The following TMEM132D variants were observed in gnomAD, a reference collection of about 807,000 sequenced individuals.
TMEM132D encodes the protein mature OL transmembrane protein.
TMEM132D carries 21 observed loss-of-function variants against 62.3 expected under a neutral mutation model. That is an observed-to-expected ratio of 0.34 (90% CI 0.24 to 0.49). The LOEUF is 0.49. TMEM132D is among the 20% of genes least tolerant of loss of function. TMEM132D has a pLI of 0.99. For synonymous variants in TMEM132D, 621 were observed against 575.6 expected (o/e 1.08, Z -1.13); for missense variants, 1,346 against 1,402.8 (o/e 0.96, Z 0.65).
intron 3 of TMEM132D, among the ~76,000 whole-genome samples, chr12:129,409,657 A>G (rs1239385220): frequency 6.6e-6 from 1 of 152,180 alleles, no homozygotes; most frequent in Non-Finnish European, 1.5e-5. Flanking sequence ...AATTCCTATA[A>G]AATAAATAAA....
chr12:129,804,964 C>T (rs1042456744), intron 1 of TMEM132D, among the ~76,000 whole-genome samples: 17 of 127,080 alleles, frequency 1.3e-4, no homozygotes, highest in Non-Finnish European at 2.7e-4. Flanking sequence ...GAATAAAATA[C>T]CTAGGAATCC....
intron 3 of TMEM132D, among the ~76,000 whole-genome samples, chr12:129,478,962 T>A (rs1337462313): frequency 6.6e-6 from 1 of 152,216 alleles, no homozygotes; most frequent in African/African-American, 2.4e-5. Flanking sequence ...CATGAAGATA[T>A]ATTTGTGGAC....
At chr12:129,302,209 G>C (rs371557745) in intron 4 of TMEM132D, among the ~76,000 whole-genome samples, 2 of 152,336 alleles carry the variant, frequency 1.3e-5, no homozygotes, top group South Asian at 2.1e-4. Context: ...CTGCCTCCCA[G>C]GTTCAAGCGA....
At chr12:129,224,016 G>A (rs1879417220) in intron 4 of TMEM132D, among the ~76,000 whole-genome samples, 1 of 152,176 alleles carries the variant, frequency 6.6e-6, no homozygotes, top group South Asian at 2.1e-4. Flanking sequence ...CTAGATGCCA[G>A]TAGCATCCCT....
chr12:129,185,329 A>C (rs1023301829), intron 5 of TMEM132D, among the ~76,000 whole-genome samples: 64 of 152,338 alleles, frequency 4.2e-4, no homozygotes, highest in African/African-American at 1.5e-3. Context: ...TACAGAAAAA[A>C]AGAATCCTAT....
At chr12:129,470,828 G>A (rs142830939) in intron 3 of TMEM132D, among the ~76,000 whole-genome samples, 1 of 152,288 alleles carries the variant, frequency 6.6e-6, no homozygotes, top group Admixed American at 6.5e-5. Flanking sequence ...AAACACAGAG[G>A]AAGCTTGTCA....
chr12:129,716,415 G>A (rs1868575626), intron 1 of TMEM132D, among the ~76,000 whole-genome samples: 1 of 152,162 alleles, frequency 6.6e-6, no homozygotes, highest in Non-Finnish European at 1.5e-5. Flanking sequence ...GCCTGTGAGG[G>A]TCAGGGCAAC....
intron 5 of TMEM132D, among the ~76,000 whole-genome samples, chr12:129,148,528 G>A (rs546578177): frequency 6.6e-6 from 1 of 152,150 alleles, no homozygotes; most frequent in East Asian, 1.9e-4. Flanking sequence ...GCTGGGAAAG[G>A]TTAGGGACAG....
chr12:129,655,615 A>G (rs1880052250), intron 2 of TMEM132D, among the ~76,000 whole-genome samples: 1 of 149,360 alleles, frequency 6.7e-6, no homozygotes, highest in African/African-American at 2.5e-5. Context: ...CTGGGATTTC[A>G]CACTTCACCT....
chr12:129,123,763 G>T (rs536768554), intron 5 of TMEM132D, among the ~76,000 whole-genome samples: 1 of 152,196 alleles, frequency 6.6e-6, no homozygotes, highest in African/African-American at 2.4e-5. Flanking sequence ...TTGGGAGACT[G>T]GATAGAACAC....
At chr12:129,605,922 G>A (rs1474437499) in intron 2 of TMEM132D, among the ~76,000 whole-genome samples, 1 of 152,042 alleles carries the variant, frequency 6.6e-6, no homozygotes, top group Non-Finnish European at 1.5e-5. Flanking sequence ...CCGCCCCATA[G>A]AGCTGCTCCA....
intron 3 of TMEM132D, among the ~76,000 whole-genome samples, chr12:129,496,525 T>A (rs955133537): frequency 6.6e-6 from 1 of 152,102 alleles, no homozygotes; most frequent in African/African-American, 2.4e-5. Flanking sequence ...CAGGCATGAA[T>A]AATGATCAAG....
intron 2 of TMEM132D, among the ~76,000 whole-genome samples, chr12:129,637,346 A>G (rs1451260185): frequency 6.6e-6 from 1 of 152,170 alleles, no homozygotes. Context: ...TATTATTCAC[A>G]TGGTTTGAAT....
intron 1 of TMEM132D, among the ~76,000 whole-genome samples, chr12:129,824,692 C>T (rs1272896272): frequency 6.6e-6 from 1 of 152,202 alleles, no homozygotes; most frequent in Non-Finnish European, 1.5e-5. Context: ...CTGCAGGCAC[C>T]TTGATCTGGG....
Position 129,154,639 on chromosome 12 carries a change from T to A in TMEM132D, c.1443+54881A>T, listed in dbSNP as rs146874135. Among the ~76,000 whole-genome samples, 775 of 152,336 alleles carry A rather than the reference T, an allele frequency of 5.1e-3. 22 individuals are homozygous for A. The highest frequency in any genetic ancestry group is 8.7e-3 in the East Asian group (45 of 5,190). ...GGATGGATCATATTGTTTGTGATTG[T>A]TCCCTGTGATATCTATATCTGGTTC... On this transcript the variant is annotated intron_variant, in intron 5 of 8. Transcript: ENST00000422113.
intron 3 of TMEM132D, among the ~76,000 whole-genome samples, chr12:129,445,043 C>T (rs989532244): frequency 1.3e-5 from 2 of 152,116 alleles, no homozygotes; most frequent in Non-Finnish European, 2.9e-5. Context: ...ATGTTCATTG[C>T]AGCACTATTC....
intron 2 of TMEM132D, among the ~76,000 whole-genome samples, chr12:129,656,640 C>T (rs914588178): frequency 1.3e-5 from 2 of 152,164 alleles, no homozygotes; most frequent in Non-Finnish European, 2.9e-5. Flanking sequence ...CTAAAATTGG[C>T]GGCTACTTCT....
At chr12:129,498,287 T>C (rs1875021881) in intron 3 of TMEM132D, among the ~76,000 whole-genome samples, 1 of 151,926 alleles carries the variant, frequency 6.6e-6, no homozygotes. Context: ...GGAGTCTCAC[T>C]CTGTTGCCCA....
chr12:129,834,962 C>T (rs1269636642), intron 1 of TMEM132D, among the ~76,000 whole-genome samples: 3 of 152,108 alleles, frequency 2.0e-5, no homozygotes, highest in African/African-American at 4.8e-5. Flanking sequence ...CAGCAACGTG[C>T]CCAGATCTTA....
Sources: gnomAD v4.1 joint callset for allele counts (sites outside exome capture counted in the v4.1 genomes callset) on GRCh38, gnomAD v4.1.1 for gene constraint, MANE v1.5 for transcripts, NCBI Gene and HGNC (gene_info 2026-07-23, HGNC 2026-07-21) for gene names.